Variants in NEGR1 observed in about 807,000 individuals in gnomAD.
NEGR1 encodes the protein IgLON family member 4.
Under a neutral mutation model 40.9 loss-of-function variants are expected in NEGR1, and 10 were observed. The observed-to-expected ratio is 0.24, with a 90% CI of 0.15 to 0.42. The LOEUF (loss-of-function observed/expected upper bound fraction) is 0.42. Among genes scored for constraint, NEGR1 ranks in the 10% least tolerant of loss-of-function variants. NEGR1 has a pLI of 1.00. For synonymous variants in NEGR1, 185 were observed against 166.8 expected, an observed-to-expected ratio of 1.11 and a Z score of -0.84; for missense variants, 352 against 438.9, an observed-to-expected ratio of 0.80 and a Z score of 1.77.
At chr1:71,609,953 G>C (rs1461631085) in intron 5 of NEGR1, among the ~76,000 whole-genome samples, 2 of 152,166 alleles carry the variant, frequency 1.3e-5, no homozygotes, top group Non-Finnish European at 2.9e-5. Flanking sequence ...GGTTTTATAA[G>C]GGGGTTTTCC....
chr1:71,898,570 G>A (rs1007006431), intron 2 of NEGR1, among the ~76,000 whole-genome samples: 1 of 152,168 alleles, frequency 6.6e-6, no homozygotes, highest in Non-Finnish European at 1.5e-5. Flanking sequence ...AGCCGAGATC[G>A]TGCCACTGCA....
intron 4 of NEGR1, among the ~76,000 whole-genome samples, chr1:71,619,289 T>C (rs554858978): frequency 2.0e-5 from 3 of 152,214 alleles, no homozygotes; most frequent in African/African-American, 7.2e-5. Context: ...ATCTGAGTGA[T>C]TGCTTCCAGA....
At chr1:71,561,928 C>CTTTT (rs72262470) in intron 6 of NEGR1, among the ~76,000 whole-genome samples, 4 of 140,014 alleles carry the variant, frequency 2.9e-5, no homozygotes, top group Admixed American at 7.1e-5. Flanking sequence ...TTTGCTAGAG[C>CTTTT]TTTTTTTTTT....
At chr1:72,111,091 C>CACACACACACACACACGTATATATAT (rs1649352572) in intron 1 of NEGR1, among the ~76,000 whole-genome samples, 2 of 148,666 alleles carry the variant, frequency 1.3e-5, no homozygotes, top group Non-Finnish European at 3.0e-5. Context: ...TATATACACA[C>CACACACACACACACACGTATATATAT]ACACACACAC....
At chr1:72,053,840 T>C (rs945998530) in intron 1 of NEGR1, among the ~76,000 whole-genome samples, 19 of 148,460 alleles carry the variant, frequency 1.3e-4, no homozygotes, top group Middle Eastern at 6.8e-3. Context: ...AGATTAAGTA[T>C]CTCAAAAACG....
chr1:71,421,785 G>A (rs1302530347), intron 6 of NEGR1, among the ~76,000 whole-genome samples: 1 of 151,986 alleles, frequency 6.6e-6, no homozygotes, highest in Non-Finnish European at 1.5e-5. Context: ...TTATAAAAAG[G>A]TTTGGGCTAC....
intron 1 of NEGR1, among the ~76,000 whole-genome samples, chr1:72,002,512 C>T (rs1288917312): frequency 1.3e-5 from 2 of 151,942 alleles, no homozygotes; most frequent in East Asian, 3.9e-4. Flanking sequence ...GAATCTATAG[C>T]CTATGTCCAG....
At chr1:71,803,345 C>T (rs978140943) in intron 2 of NEGR1, among the ~76,000 whole-genome samples, 13 of 152,092 alleles carry the variant, frequency 8.5e-5, no homozygotes, top group African/African-American at 3.1e-4. Context: ...TCATGAAGTC[C>T]TATAAAAATA....
intron 2 of NEGR1, among the ~76,000 whole-genome samples, chr1:71,868,617 T>A (rs916646803): frequency 1.3e-5 from 2 of 152,184 alleles, no homozygotes; most frequent in Non-Finnish European, 2.9e-5. Context: ...AATTACTTCA[T>A]GGAAAATGCA....
At chr1:71,628,825 T>C (rs1274865757) in intron 4 of NEGR1, among the ~76,000 whole-genome samples, 3 of 152,150 alleles carry the variant, frequency 2.0e-5, no homozygotes, top group Admixed American at 6.6e-5. Context: ...TGATGAACAT[T>C]TGGGTTGGTT....
chr1:71,693,318 T>C (rs954745595), intron 4 of NEGR1, among the ~76,000 whole-genome samples: 1 of 151,698 alleles, frequency 6.6e-6, no homozygotes, highest in Non-Finnish European at 1.5e-5. Context: ...TAATATCTTT[T>C]CTCTATTTTG....
Position 71,650,929 on chromosome 1 carries a change from G to C in NEGR1, c.668-39783C>G, listed in dbSNP as rs531153799. Among the ~76,000 whole-genome samples, 73 of 152,114 alleles carry C rather than the reference G, an allele frequency of 4.8e-4. No individual in the cohort carries two copies. The South Asian group carries it at 5.2e-3, about 11-fold the overall frequency. On this transcript the variant is annotated intron_variant, in intron 4 of 6. Transcript: ENST00000357731. ...CATTACTTTGTGCTTTTTTCTGAGG[G>C]AGATACTAACATTGTTTACCTACCA...
At chr1:72,006,496 A>G (rs950517314) in intron 1 of NEGR1, among the ~76,000 whole-genome samples, 3 of 152,154 alleles carry the variant, frequency 2.0e-5, no homozygotes, top group Non-Finnish European at 4.4e-5. Flanking sequence ...ACATTTTCTC[A>G]TGGTCAATAC....
chr1:72,092,932 G>A (rs139933558), intron 1 of NEGR1, among the ~76,000 whole-genome samples: 8 of 152,200 alleles, frequency 5.3e-5, no homozygotes, highest in East Asian at 1.9e-4. Flanking sequence ...GATTAGAAGC[G>A]TGAGCCACTG....
chr1:72,235,205 G>A (rs1225788959), intron 1 of NEGR1, among the ~76,000 whole-genome samples: 1 of 152,114 alleles, frequency 6.6e-6, no homozygotes, highest in Non-Finnish European at 1.5e-5. Context: ...ACAGAAGATT[G>A]TGAGTTAACG....
At chr1:72,132,997 G>T (rs1470540240) in intron 1 of NEGR1, among the ~76,000 whole-genome samples, 1 of 151,684 alleles carries the variant, frequency 6.6e-6, no homozygotes, top group Non-Finnish European at 1.5e-5. Flanking sequence ...CTTTTTTTCT[G>T]AAAAAATAAT....
chr1:71,650,117 C>T (rs1279762716), intron 4 of NEGR1, among the ~76,000 whole-genome samples: 2 of 152,116 alleles, frequency 1.3e-5, no homozygotes, highest in East Asian at 3.9e-4. Flanking sequence ...TATGTATCTT[C>T]AAATAAAAAG....
intron 2 of NEGR1, among the ~76,000 whole-genome samples, chr1:71,785,317 C>T (rs762441363): frequency 3.9e-5 from 6 of 152,036 alleles, no homozygotes; most frequent in African/African-American, 1.2e-4. Context: ...GGAAGAACAC[C>T]GCAATTGAAA....
intron 6 of NEGR1, among the ~76,000 whole-genome samples, chr1:71,532,961 A>G (rs188943479): frequency 2.0e-5 from 3 of 151,748 alleles, no homozygotes; most frequent in East Asian, 2.0e-4. Flanking sequence ...TTAATCATAC[A>G]TAAAAGACAA....
Sources: gnomAD v4.1 joint callset for allele counts (sites outside exome capture counted in the v4.1 genomes callset) on GRCh38, gnomAD v4.1.1 for gene constraint, MANE v1.5 for transcripts, NCBI Gene and HGNC (gene_info 2026-07-23, HGNC 2026-07-21) for gene names.